The following FRS2 variants were observed in gnomAD, a reference collection of about 807,000 sequenced individuals.
FRS2 encodes FGFR signalling adaptor.
FRS2 carries 8 observed loss-of-function variants against 43.9 expected under a neutral mutation model. The ratio of observed to expected loss-of-function variants is 0.18; its 90% CI spans 0.11 to 0.33. FRS2 has a LOEUF of 0.33. Among genes scored for constraint, FRS2 ranks in the 10% least tolerant of loss-of-function variants. The probability of loss-of-function intolerance (pLI) is 1.00; values close to 1 mark genes in which losing one functional copy is unlikely to be tolerated. For synonymous variants in FRS2, 219 were observed against 220.3 expected, an observed-to-expected ratio of 0.99 and a Z score of 0.05; for missense variants, 534 against 627.6, an observed-to-expected ratio of 0.85 and a Z score of 1.59.
At position 69,561,157 on chromosome 12, in the gene FRS2, C is replaced by T. The variant is rs1048565531; in HGVS notation, c.-121-1023C>T. On this transcript the variant is annotated intron_variant, in intron 3 of 8. Coordinates refer to ENST00000549921, the MANE Select transcript of FRS2 (RefSeq NM_001278356.2). ...TTTCCAAGCCAGAGATAAAGCATGG[C>T]GTATATTTGAGCTCCTGGAGAAAAG... Among the ~76,000 whole-genome samples, 9 of 152,012 alleles carry T rather than the reference C, an allele frequency of 5.9e-5. No homozygotes were observed. The South Asian group carries it at 6.2e-4, about 11-fold the overall frequency.
intron 3 of FRS2, among the ~76,000 whole-genome samples, chr12:69,553,165 A>G (rs1879049268): frequency 2.0e-5 from 3 of 152,134 alleles, no homozygotes; most frequent in South Asian, 4.1e-4. Context: ...TCCGCCTCCC[A>G]GGTACACAAG....
chr12:69,511,393 G>A (rs1387690929), intron 1 of FRS2, among the ~76,000 whole-genome samples: 3 of 152,086 alleles, frequency 2.0e-5, no homozygotes, highest in Admixed American at 2.0e-4. Context: ...CTGAATGTGT[G>A]CACACTCTTT....
chr12:69,517,500 A>G (rs1184939422), intron 1 of FRS2, among the ~76,000 whole-genome samples: 1 of 151,854 alleles, frequency 6.6e-6, no homozygotes, highest in East Asian at 1.9e-4. Context: ...GCATTTGCCA[A>G]TGGTGAATCT....
chr12:69,526,958 C>T (rs111727227), intron 1 of FRS2, among the ~76,000 whole-genome samples: 1,575 of 152,216 alleles, frequency 0.01, 22 homozygotes, highest in African/African-American at 0.036. Context: ...CTCCTGACCT[C>T]GTGATCCACC....
In FRS2 at chr12:69,575,108, A is replaced by T. The variant is rs1881100274; in HGVS notation, c.*153A>T. ...TGTGCATCTTTAACTAAAGGGAATT[A>T]ATGTAGAGCAGGTACTCCTTAAAGA... On this transcript the variant is annotated 3_prime_UTR_variant, in exon 9 of 9. Coordinates refer to ENST00000549921, the MANE Select transcript of FRS2 (RefSeq NM_001278356.2). 3 of 597,724 alleles carry T rather than the reference A, an allele frequency of 5.0e-6. No homozygotes were observed. Among genetic ancestry groups the T allele is most frequent in the East Asian group, 5.5e-5 (2 of 36,372 alleles). 37.0% of individuals were successfully genotyped at this position (597,724 alleles called of 1,614,324 possible). A position where few individuals can be genotyped will look rare whatever the true frequency, so the allele number is the denominator to read the frequency against.
intron 3 of FRS2, among the ~76,000 whole-genome samples, chr12:69,541,570 A>G (rs1330863793): frequency 6.6e-6 from 1 of 152,128 alleles, no homozygotes; most frequent in East Asian, 1.9e-4. Flanking sequence ...TCACACCTGT[A>G]ATCCTAGTAC....
chr12:69,551,523 A>G (rs1029402116), intron 3 of FRS2, among the ~76,000 whole-genome samples: 3 of 152,256 alleles, frequency 2.0e-5, no homozygotes, highest in African/African-American at 7.2e-5. Context: ...AGGAAAGCAG[A>G]CCATGAAACC....
chr12:69,573,978 A>C (rs1190551007), intron 8 of FRS2, 27 bp from the exon 9 acceptor site: 1 of 1,473,508 alleles, frequency 6.8e-7, no homozygotes, highest in African/African-American at 1.4e-5. Context: ...AAGTAAGTTA[A>C]CTAATTCACT....
intron 1 of FRS2, among the ~76,000 whole-genome samples, chr12:69,520,541 T>TA (rs1461767337): frequency 6.6e-6 from 1 of 152,186 alleles, no homozygotes; most frequent in African/African-American, 2.4e-5. Context: ...AGAGTTTTTA[T>TA]AGTTTGGGGT....
chr12:69,513,069 G>A (rs1874616621), intron 1 of FRS2, among the ~76,000 whole-genome samples: 1 of 151,736 alleles, frequency 6.6e-6, no homozygotes, highest in South Asian at 2.1e-4. Flanking sequence ...AAGGTGTAAT[G>A]TAGCTCTAAT....
chr12:69,575,936 T>G lies in FRS2; in HGVS notation c.*981T>G, dbSNP rs745574480. The G allele has an allele frequency of 1.3e-5, 2 of 152,632 alleles. No homozygotes were observed. Among genetic ancestry groups the G allele is most frequent in the African/African-American group, 2.4e-5 (1 of 41,458 alleles). The allele number at this position is 152,632 out of a possible 1,614,324, so 9.5% of individuals were successfully genotyped here. On this transcript the variant is annotated 3_prime_UTR_variant, in exon 9 of 9. Transcript: ENST00000549921. The stretch of plus-strand genomic sequence containing the variant: ...TGTTTAGTTTGCATTTTTGTCAAAT[T>G]ATGGTTTTGAAGGTTCATTTGGAAC...
chr12:69,548,892 C>A (rs1878638371), intron 3 of FRS2, among the ~76,000 whole-genome samples: 1 of 152,196 alleles, frequency 6.6e-6, no homozygotes, highest in Non-Finnish European at 1.5e-5. Flanking sequence ...AGGAAGGGAA[C>A]CACAGCCAAT....
rs533499150 is a variant in FRS2, at chr12:69,576,994, T to C, written c.*2039T>C. The C allele has an allele frequency of 5.2e-5, 8 of 152,390 alleles. 1 individual carries two copies. Among genetic ancestry groups the C allele is most frequent in the Admixed American group, 1.3e-4 (2 of 15,286 alleles). The allele number at this position is 152,390 out of a possible 1,614,324, so 9.4% of individuals were successfully genotyped here. A position where few individuals can be genotyped will look rare whatever the true frequency, so the allele number is the denominator to read the frequency against. On this transcript the variant is annotated 3_prime_UTR_variant, in exon 9 of 9. Coordinates refer to ENST00000549921, the MANE Select transcript of FRS2 (RefSeq NM_001278356.2). ...TTTTTGTAATGTGGAATAAGAATTATGATGGAACCATTGCACATTTTTTTC... is the reference window on the plus strand; with the variant it reads ...TTTTTGTAATGTGGAATAAGAATTACGATGGAACCATTGCACATTTTTTTC...
chr12:69,512,317 T>C (rs1007192520), intron 1 of FRS2, among the ~76,000 whole-genome samples: 7 of 152,226 alleles, frequency 4.6e-5, no homozygotes, highest in African/African-American at 1.4e-4. Flanking sequence ...AATTCAGAGC[T>C]AGCCTTAGGA....
intron 3 of FRS2, among the ~76,000 whole-genome samples, chr12:69,540,474 G>A (rs1023095426): frequency 6.6e-6 from 1 of 152,004 alleles, no homozygotes; most frequent in Non-Finnish European, 1.5e-5. Context: ...AAAGTATAAA[G>A]TAGTATTGAA....
rs368869919 is a variant in FRS2 at position 69,524,140 on chromosome 12, A to ATGC, written c.-260-6723_-260-6721dup. On this transcript the variant is annotated intron_variant, in intron 1 of 8. Transcript: ENST00000549921. ...TCATGGGGGCAGTCTGCTGTTCTCCATGCTTAGTTTTGGGCAGGCAGCAGT... is the reference window on the plus strand; with the variant it reads ...TCATGGGGGCAGTCTGCTGTTCTCCATGCTGCTTAGTTTTGGGCAGGCAGCAGT... Among the ~76,000 whole-genome samples the ATGC allele has an allele frequency of 1.5e-3, 235 of 152,152 alleles. 1 individual carries two copies. Among genetic ancestry groups the ATGC allele is most frequent in the Middle Eastern group, 0.01 (3 of 294 alleles).
chr12:69,479,992 G>A (rs1461643102), intron 1 of FRS2, among the ~76,000 whole-genome samples: 3 of 151,966 alleles, frequency 2.0e-5, no homozygotes, highest in Admixed American at 6.6e-5. Context: ...CATTATCTTT[G>A]TGTATTGTAT....
chr12:69,496,105 C>T (rs1213395800), intron 1 of FRS2, among the ~76,000 whole-genome samples: 1 of 152,038 alleles, frequency 6.6e-6, no homozygotes, highest in Non-Finnish European at 1.5e-5. Context: ...ATGGTCAAAA[C>T]TCTGTCCTAA....
intron 1 of FRS2, among the ~76,000 whole-genome samples, chr12:69,505,557 C>T (rs1419504429): frequency 6.6e-6 from 1 of 152,136 alleles, no homozygotes; most frequent in Admixed American, 6.5e-5. Flanking sequence ...AAGAATACCG[C>T]TTAAAAGACT....
Sources: allele counts gnomAD v4.1 joint callset (sites outside exome capture counted in the v4.1 genomes callset), GRCh38; gene constraint gnomAD v4.1.1; transcripts MANE v1.5; gene names NCBI Gene and HGNC (gene_info 2026-07-23, HGNC 2026-07-21).